CNDP1: variants seen among roughly 807,000 people sequenced by gnomAD.
The protein encoded by CNDP1 is beta-Ala-His dipeptidase.
In CNDP1, 44 loss-of-function variants were observed where a neutral mutation model predicts 58.1. That is an observed-to-expected ratio of 0.76 (90% confidence interval 0.60 to 0.97). The LOEUF is 0.97. Ranked by LOEUF, CNDP1 falls within the 50% of genes least tolerant of loss-of-function variation. CNDP1 has a pLI of 0.00. For missense variants in CNDP1, 616 were observed against 655.1 expected (o/e 0.94, Z 0.65); for synonymous variants, 254 against 252.6 (o/e 1.01, Z -0.05).
chr18:74,567,225 T>C lies in CNDP1; in HGVS notation c.556-8T>C. Reference sequence around the variant, plus strand: ...CTTGTGCAATTTTTTTCTTCTGTTGTTACTTAGGATCTTCCTGTGAATATC... The same window carrying C: ...CTTGTGCAATTTTTTTCTTCTGTTGCTACTTAGGATCTTCCTGTGAATATC... On this transcript the variant is annotated splice_polypyrimidine_tract_variant and splice_region_variant and intron_variant, in intron 5 of 11. Transcript: ENST00000358821. 1 of 1,613,142 alleles carries C rather than the reference T, an allele frequency of 6.2e-7. No homozygotes were observed. The highest frequency in any genetic ancestry group is 1.1e-5 in the South Asian group (1 of 91,062).
At chr18:74,579,885 G>A (rs1415356748) in intron 9 of CNDP1, among the ~76,000 whole-genome samples, 1 of 152,190 alleles carries the variant, frequency 6.6e-6, no homozygotes, top group Non-Finnish European at 1.5e-5. Context: ...GAGGATAGAG[G>A]GGAATCTCCC....
intron 1 of CNDP1, among the ~76,000 whole-genome samples, chr18:74,541,828 C>A (rs866884823): frequency 6.6e-6 from 1 of 152,232 alleles, no homozygotes; most frequent in Admixed American, 6.5e-5. Flanking sequence ...TCTTCAGAAG[C>A]ACTGTGGTTG....
rs1981182657 is a variant in CNDP1 at position 74,561,019 on chromosome 18, G to A, written c.466+1G>A. The A allele has an allele frequency of 6.2e-7, 1 of 1,610,690 alleles. No individual in the cohort carries two copies. Among genetic ancestry groups the A allele is most frequent in the Non-Finnish European group, 8.5e-7 (1 of 1,177,430 alleles). ...CCCTATGTGCTGACGGAGGTAGACG[G>A]TCAGTGAGGCGCCCGGGCTACAGTG... is the stretch of plus-strand genomic sequence containing the variant. On this transcript the variant is annotated splice_donor_variant, in intron 4 of 11. Coordinates refer to ENST00000358821, the MANE Select transcript of CNDP1 (RefSeq NM_032649.6). LOFTEE classifies it high-confidence loss of function.
chr18:74,553,696 T>C (rs1272960937), intron 1 of CNDP1, among the ~76,000 whole-genome samples: 1 of 152,212 alleles, frequency 6.6e-6, no homozygotes, highest in Non-Finnish European at 1.5e-5. Flanking sequence ...TCGATTATTA[T>C]CCAGCAAAAT....
At chr18:74,550,131 C>G (rs56211524) in intron 1 of CNDP1, among the ~76,000 whole-genome samples, 1 of 152,194 alleles carries the variant, frequency 6.6e-6, no homozygotes, top group African/African-American at 2.4e-5. Flanking sequence ...GGGGCACTAC[C>G]TAATGAAGCT....
intron 5 of CNDP1, among the ~76,000 whole-genome samples, chr18:74,564,991 T>C (rs1325177008): frequency 6.6e-6 from 1 of 152,218 alleles, no homozygotes; most frequent in Non-Finnish European, 1.5e-5. Context: ...AGAGGTTTAA[T>C]TGGACTTACA....
At chr18:74,535,596 A>G (rs1980467488) in intron 1 of CNDP1, among the ~76,000 whole-genome samples, 1 of 5,982 alleles carries the variant, frequency 1.7e-4, no homozygotes, top group Non-Finnish European at 4.6e-4. Flanking sequence ...TTTTTTTTTA[A>G]AGAACCCATG....
At chr18:74,556,516 C>T in intron 2 of CNDP1, 50 bp downstream of exon 2, 1 of 1,604,376 alleles carries the variant, frequency 6.2e-7, no homozygotes, top group Non-Finnish European at 8.5e-7. Context: ...GGATTATATC[C>T]TTTGGTATTT....
intron 1 of CNDP1, among the ~76,000 whole-genome samples, chr18:74,544,322 G>A (rs563460235): frequency 1.3e-5 from 2 of 152,258 alleles, no homozygotes; most frequent in Non-Finnish European, 2.9e-5. Context: ...TAGGCTCTTG[G>A]GGCTATGGAA....
intron 2 of CNDP1, 108 bp downstream of exon 2, chr18:74,556,574 C>A: frequency 7.6e-7 from 1 of 1,318,074 alleles, no homozygotes; most frequent in Non-Finnish European, 1.1e-6. Flanking sequence ...TTGCCTAATT[C>A]CATTTAAAAT....
At chr18:74,538,855 C>A (rs1980546948) in intron 1 of CNDP1, among the ~76,000 whole-genome samples, 1 of 152,196 alleles carries the variant, frequency 6.6e-6, no homozygotes, top group African/African-American at 2.4e-5. Flanking sequence ...TCCACCTCAT[C>A]CCCGTCAAGG....
chr18:74,586,323 C>T lies in CNDP1; in HGVS notation c.*1761C>T, dbSNP rs1342278224. On this transcript the variant is annotated 3_prime_UTR_variant, in exon 12 of 12. Coordinates refer to ENST00000358821, the MANE Select transcript of CNDP1 (RefSeq NM_032649.6). ...AGCAGCAGGTGTTTGATATTTTGTG[C>T]TATTAAGTGTAGTTTGCGCTCATCT... 6.6e-6 allele frequency: 1 copy of T among 152,160 alleles called. No homozygotes were observed. Among genetic ancestry groups the T allele is most frequent in the Non-Finnish European group, 1.5e-5 (1 of 68,036 alleles). The allele number at this position is 152,160 out of a possible 1,614,324, so 9.4% of individuals were successfully genotyped here.
intron 9 of CNDP1, 100 bp from the exon 10 acceptor site, chr18:74,580,030 A>G: frequency 3.9e-6 from 4 of 1,019,864 alleles, no homozygotes; most frequent in Non-Finnish European, 5.9e-6. Flanking sequence ...GGAAGAGGCT[A>G]TATTAACTGT....
At chr18:74,543,815 T>C (rs1980689627) in intron 1 of CNDP1, among the ~76,000 whole-genome samples, 1 of 152,090 alleles carries the variant, frequency 6.6e-6, no homozygotes, top group Non-Finnish European at 1.5e-5. Context: ...CCAGGCACTA[T>C]GGCTCACACC....
intron 4 of CNDP1, chr18:74,561,731 G>A (rs1332201577): frequency 1.3e-5 from 3 of 229,530 alleles, no homozygotes; most frequent in South Asian, 7.3e-5. Flanking sequence ...ACAAATCCCC[G>A]GTGGGTCTCT....
intron 6 of CNDP1, among the ~76,000 whole-genome samples, chr18:74,568,436 A>C (rs1568297858): frequency 6.6e-6 from 1 of 152,338 alleles, no homozygotes; most frequent in South Asian, 2.1e-4. Flanking sequence ...ACTGTCCTCT[A>C]GAACCCGCTT....
chr18:74,572,137 C>T (rs548172732), intron 7 of CNDP1, among the ~76,000 whole-genome samples: 24 of 152,082 alleles, frequency 1.6e-4, no homozygotes, highest in African/African-American at 4.8e-4. Context: ...AGTGGCACAG[C>T]GACGCCGACG....
intron 1 of CNDP1, among the ~76,000 whole-genome samples, chr18:74,546,912 G>A (rs1980774387): frequency 6.6e-6 from 1 of 152,228 alleles, no homozygotes; most frequent in Non-Finnish European, 1.5e-5. Flanking sequence ...CCAGGGTCAA[G>A]CTCACAGGTT....
chr18:74,582,969 C>A (rs1312734643), intron 10 of CNDP1, among the ~76,000 whole-genome samples: 1 of 152,172 alleles, frequency 6.6e-6, no homozygotes, highest in African/African-American at 2.4e-5. Flanking sequence ...CTACACTTTT[C>A]TAAAATTAGT....
Sources: allele counts gnomAD v4.1 joint callset (sites outside exome capture counted in the v4.1 genomes callset), GRCh38; gene constraint gnomAD v4.1.1; transcripts MANE v1.5; gene names NCBI Gene and HGNC (gene_info 2026-07-23, HGNC 2026-07-21).